The following TACR3 variants were observed in gnomAD, a reference collection of about 807,000 sequenced individuals.
The protein encoded by TACR3 is tachykinin receptor 3, also known as neuromedin-K receptor.
TACR3 carries 34 observed loss-of-function variants against 35.0 expected under a neutral mutation model. The observed-to-expected ratio is 0.97, with a 90% confidence interval of 0.74 to 1.30. TACR3 has a LOEUF of 1.30. Ranked by LOEUF, TACR3 falls within the 50% of genes most tolerant of loss-of-function variation. The pLI is 0.00. For missense variants in TACR3, 558 were observed against 591.7 expected (o/e 0.94, Z 0.59); for synonymous variants, 233 against 221.1 (o/e 1.05, Z -0.48).
At chr4:103,640,534 G>T (rs1410665019) in intron 3 of TACR3, among the ~76,000 whole-genome samples, 2 of 151,736 alleles carry the variant, frequency 1.3e-5, no homozygotes, top group Admixed American at 6.6e-5. Context: ...CTTGTTGTTG[G>T]TTTGTTTGAA....
intron 3 of TACR3, chr4:103,593,298 C>G (rs1359270750): frequency 6.6e-6 from 1 of 151,960 alleles, no homozygotes; most frequent in Non-Finnish European, 1.5e-5. Flanking sequence ...ATAAAAACAT[C>G]TGTTGAATAT....
intron 1 of TACR3, among the ~76,000 whole-genome samples, chr4:103,710,659 G>A (rs901989686): frequency 6.6e-6 from 1 of 151,926 alleles, no homozygotes; most frequent in Non-Finnish European, 1.5e-5. Context: ...AACTGAAGGA[G>A]ATAGAGACAC....
chr4:103,712,192 A>T (rs961979449), intron 1 of TACR3, among the ~76,000 whole-genome samples: 1 of 152,222 alleles, frequency 6.6e-6, no homozygotes. Context: ...TGCCAAGTCA[A>T]TCCTTAGCCA....
intron 1 of TACR3, among the ~76,000 whole-genome samples, chr4:103,714,780 A>G (rs1053831047): frequency 6.6e-6 from 1 of 152,198 alleles, no homozygotes; most frequent in Non-Finnish European, 1.5e-5. Flanking sequence ...GTTCATATCT[A>G]TAATGTTGGT....
chr4:103,686,307 A>G (rs1722237493), intron 1 of TACR3, among the ~76,000 whole-genome samples: 1 of 152,194 alleles, frequency 6.6e-6, no homozygotes, highest in Non-Finnish European at 1.5e-5. Context: ...GGCAAATAGT[A>G]GAGTCTTACT....
chr4:103,644,382 C>T (rs1216999599), intron 3 of TACR3, among the ~76,000 whole-genome samples: 1 of 151,798 alleles, frequency 6.6e-6, no homozygotes, highest in Non-Finnish European at 1.5e-5. Flanking sequence ...TTGTTTTTAG[C>T]TATTTTTCTT....
chr4:103,718,210 G>A (rs1268872092), intron 1 of TACR3, among the ~76,000 whole-genome samples: 1 of 151,898 alleles, frequency 6.6e-6, no homozygotes, highest in Non-Finnish European at 1.5e-5. Flanking sequence ...AATAATCTTT[G>A]CATGAATAAG....
At chr4:103,708,210 G>C (rs1373983731) in intron 1 of TACR3, among the ~76,000 whole-genome samples, 1 of 152,208 alleles carries the variant, frequency 6.6e-6, no homozygotes, top group African/African-American at 2.4e-5. Flanking sequence ...CTCCTTAAGT[G>C]GGTCCTTGAC....
chr4:103,655,516 G>A lies in TACR3; in HGVS notation c.888+678C>T, dbSNP rs999202780. Among the ~76,000 whole-genome samples the A allele has an allele frequency of 2.0e-4, 31 of 151,914 alleles. 1 individual carries two copies. The highest frequency in any genetic ancestry group is 3.1e-4 in the Non-Finnish European group (21 of 67,976). The stretch of plus-strand genomic sequence containing the variant: ...TGAAAAAAATCTAACTTATTTAGTC[G>A]CATAACGATAGTAGAAAAAATCTCA... On this transcript the variant is annotated intron_variant, in intron 3 of 4. Coordinates refer to ENST00000304883, the MANE Select transcript of TACR3 (RefSeq NM_001059.3).
intron 3 of TACR3, among the ~76,000 whole-genome samples, chr4:103,652,345 A>G (rs1157950634): frequency 1.3e-5 from 2 of 152,146 alleles, no homozygotes; most frequent in East Asian, 3.9e-4. Context: ...CTAGATTTGG[A>G]TCAGTTTTGC....
At chr4:103,649,972 C>A (rs1192732889) in intron 3 of TACR3, among the ~76,000 whole-genome samples, 1 of 152,002 alleles carries the variant, frequency 6.6e-6, no homozygotes, top group East Asian at 1.9e-4. Context: ...CCCATTTGGA[C>A]CCATCCTTCT....
chr4:103,629,880 A>AAAAC (rs1295720523), intron 3 of TACR3, among the ~76,000 whole-genome samples: 20 of 130,616 alleles, frequency 1.5e-4, no homozygotes, highest in African/African-American at 6.4e-4. Context: ...AACAAAAAAA[A>AAAAC]CAACAACAAC....
intron 3 of TACR3, among the ~76,000 whole-genome samples, chr4:103,621,982 A>T (rs917700042): frequency 6.6e-6 from 1 of 152,218 alleles, no homozygotes; most frequent in Non-Finnish European, 1.5e-5. Context: ...GACTTTGGGT[A>T]AAGAGTAGCA....
chr4:103,615,799 G>C (rs973134713), intron 3 of TACR3, among the ~76,000 whole-genome samples: 5 of 152,054 alleles, frequency 3.3e-5, no homozygotes, highest in East Asian at 3.8e-4. Flanking sequence ...GTAATATATA[G>C]AGCATAAAAT....
At chr4:103,610,252 G>A (rs938797338) in intron 3 of TACR3, among the ~76,000 whole-genome samples, 2 of 152,016 alleles carry the variant, frequency 1.3e-5, no homozygotes, top group African/African-American at 4.8e-5. Context: ...GTGTATAAGA[G>A]TTCTTTTTCC....
intron 1 of TACR3, among the ~76,000 whole-genome samples, chr4:103,690,002 T>C (rs1262402764): frequency 6.6e-6 from 1 of 151,988 alleles, no homozygotes; most frequent in Non-Finnish European, 1.5e-5. Flanking sequence ...CATAATGAAA[T>C]TAACAGATGG....
intron 3 of TACR3, among the ~76,000 whole-genome samples, chr4:103,594,568 C>T (rs1723964372): frequency 6.6e-6 from 1 of 152,164 alleles, no homozygotes; most frequent in Admixed American, 6.5e-5. Flanking sequence ...AGAATGTTAA[C>T]ATATATTGTA....
chr4:103,615,784 T>A (rs1724643610), intron 3 of TACR3, among the ~76,000 whole-genome samples: 1 of 152,214 alleles, frequency 6.6e-6, no homozygotes, highest in Admixed American at 6.5e-5. Context: ...ATTTAATTCT[T>A]AACTGTAATA....
intron 3 of TACR3, among the ~76,000 whole-genome samples, chr4:103,597,063 T>C (rs147630179): frequency 0.031 from 4,672 of 148,436 alleles, 220 homozygotes; most frequent in African/African-American, 0.11. Context: ...AATAAACACA[T>C]GTGTGCATGC....
Sources: allele counts gnomAD v4.1 joint callset (sites outside exome capture counted in the v4.1 genomes callset), GRCh38; gene constraint gnomAD v4.1.1; transcripts MANE v1.5; gene names NCBI Gene and HGNC (gene_info 2026-07-23, HGNC 2026-07-21).